PDE5A: variants seen among roughly 807,000 people sequenced by gnomAD.
The protein encoded by PDE5A is cGMP-specific 3',5'-cyclic phosphodiesterase.
PDE5A carries 67 observed loss-of-function variants against 110.2 expected under a neutral mutation model. That is an observed-to-expected ratio of 0.61 (90% CI 0.50 to 0.75). The LOEUF is 0.75. Ranked by LOEUF, PDE5A falls within the 30% of genes least tolerant of loss-of-function variation. PDE5A has a pLI of 0.00. For synonymous variants in PDE5A, 328 were observed against 351.2 expected (o/e 0.93, Z 0.74); for missense variants, 862 against 1,045.1 (o/e 0.82, Z 2.42).
At chr4:119,527,006 C>T (rs1726346277) in intron 11 of PDE5A, 1 of 152,110 alleles carries the variant, frequency 6.6e-6, no homozygotes, top group South Asian at 2.1e-4. Flanking sequence ...GGAGCGGTAA[C>T]TCAAGTTTGG....
At chr4:119,526,300 C>A (rs1239515936) in intron 11 of PDE5A, among the ~76,000 whole-genome samples, 2 of 152,136 alleles carry the variant, frequency 1.3e-5, no homozygotes, top group African/African-American at 2.4e-5. Flanking sequence ...ACTAGCAGAA[C>A]CTGCCTCCCA....
intron 2 of PDE5A, among the ~76,000 whole-genome samples, chr4:119,605,750 A>G (rs919419610): frequency 6.6e-6 from 1 of 151,620 alleles, no homozygotes; most frequent in African/African-American, 2.4e-5. Flanking sequence ...CCTGCTCTCT[A>G]TGCTATTTAT....
At chr4:119,596,044 T>G (rs1729140568) in intron 3 of PDE5A, among the ~76,000 whole-genome samples, 2 of 152,164 alleles carry the variant, frequency 1.3e-5, no homozygotes, top group South Asian at 2.1e-4. Context: ...AAATATAAAC[T>G]AACATATTTT....
At chr4:119,506,832 G>A (rs978847186) in intron 16 of PDE5A, among the ~76,000 whole-genome samples, 26 of 151,932 alleles carry the variant, frequency 1.7e-4, no homozygotes, top group African/African-American at 6.3e-4. Flanking sequence ...TAGATATCTG[G>A]CAGATGTTTT....
In PDE5A at chr4:119,498,547, A is replaced by G. The variant is rs199940864; in HGVS notation, c.*54T>C. On this transcript the variant is annotated 3_prime_UTR_variant, in exon 21 of 21. Transcript: ENST00000354960. ...ACAGACAGTGTGTAAGAAACTAGGCATATTGCAGAACACACCATCTCTGTA... is the reference window on the plus strand; with the variant it reads ...ACAGACAGTGTGTAAGAAACTAGGCGTATTGCAGAACACACCATCTCTGTA... 3.1e-5 allele frequency: 49 copies of G among 1,597,618 alleles called. No homozygotes were observed. The highest frequency in any genetic ancestry group is 4.0e-5 in the Non-Finnish European group (47 of 1,166,352).
chr4:119,552,411 C>A, intron 9 of PDE5A, 139 bp downstream of exon 9: 1 of 431,452 alleles, frequency 2.3e-6, no homozygotes, highest in Non-Finnish European at 4.2e-6. Context: ...TGGTATTTAT[C>A]AATTATTTTA....
chr4:119,574,237 T>C (rs1208111443), intron 3 of PDE5A, among the ~76,000 whole-genome samples: 2 of 131,564 alleles, frequency 1.5e-5, no homozygotes, highest in Non-Finnish European at 3.1e-5. Context: ...GGCTGGAGTG[T>C]AATGATGCGC....
rs749691085 is a variant in PDE5A, at chr4:119,628,766, C to G, written c.-95G>C. ...AAGAACAGGACTCGGCCTCGAGACC[C>G]TCCCCCTTCGTCCTGCTCCAGTCGG... is the stretch of plus-strand genomic sequence containing the variant. On this transcript the variant is annotated 5_prime_UTR_variant, in exon 1 of 21. Coordinates refer to ENST00000354960, the MANE Select transcript of PDE5A (RefSeq NM_001083.4). 8.5e-6 allele frequency: 13 copies of G among 1,521,062 alleles called. No individual in the cohort carries two copies. The highest frequency in any genetic ancestry group is 1.1e-5 in the Non-Finnish European group (12 of 1,126,808). The allele number at this position is 1,521,062 out of a possible 1,614,324, so 94.2% of individuals were successfully genotyped here.
chr4:119,597,428 T>C (rs978491949), intron 2 of PDE5A, among the ~76,000 whole-genome samples: 3 of 152,048 alleles, frequency 2.0e-5, no homozygotes, highest in African/African-American at 7.2e-5. Flanking sequence ...AATGTTATCA[T>C]TTTTACCTTA....
chr4:119,554,785 A>G (rs1186283260), intron 7 of PDE5A, among the ~76,000 whole-genome samples: 1 of 152,230 alleles, frequency 6.6e-6, no homozygotes, highest in South Asian at 2.1e-4. Context: ...ATAGTACAAC[A>G]TAACAATTAT....
At chr4:119,550,236 C>T (rs1727293335) in intron 9 of PDE5A, 1 of 152,154 alleles carries the variant, frequency 6.6e-6, no homozygotes, top group African/African-American at 2.4e-5. Context: ...CTTTTCCTTT[C>T]TTTTTATTTA....
intron 1 of PDE5A, among the ~76,000 whole-genome samples, chr4:119,616,137 A>T (rs1028434659): frequency 6.6e-6 from 1 of 152,218 alleles, no homozygotes. Context: ...TTTACAACAC[A>T]TCCTGAGATA....
intron 16 of PDE5A, among the ~76,000 whole-genome samples, chr4:119,507,325 G>A (rs1465627660): frequency 6.6e-6 from 1 of 151,818 alleles, no homozygotes; most frequent in Non-Finnish European, 1.5e-5. Flanking sequence ...GGACAACATG[G>A]CTTGGAATGA....
At chr4:119,556,446 G>A (rs995864698) in intron 7 of PDE5A, among the ~76,000 whole-genome samples, 14 of 152,186 alleles carry the variant, frequency 9.2e-5, no homozygotes, top group African/African-American at 3.4e-4. Context: ...AAGTCCAAAG[G>A]TGTCTTGGTC....
At chr4:119,591,598 G>T (rs1199023037) in intron 3 of PDE5A, among the ~76,000 whole-genome samples, 1 of 152,214 alleles carries the variant, frequency 6.6e-6, no homozygotes, top group Admixed American at 6.5e-5. Flanking sequence ...TGTTTATACA[G>T]ATATAAATTT....
chr4:119,520,518 C>T (rs1173102506), intron 13 of PDE5A, among the ~76,000 whole-genome samples: 2 of 152,186 alleles, frequency 1.3e-5, no homozygotes, highest in African/African-American at 4.8e-5. Context: ...GCGATACAGA[C>T]CCCTAACTTA....
intron 2 of PDE5A, among the ~76,000 whole-genome samples, chr4:119,599,126 A>C (rs1729251950): frequency 6.6e-6 from 1 of 152,156 alleles, no homozygotes; most frequent in Admixed American, 6.5e-5. Context: ...GACTAAATTC[A>C]AAAGATCCAC....
chr4:119,597,862 A>C (rs62319647), intron 2 of PDE5A, among the ~76,000 whole-genome samples: 15,593 of 152,140 alleles, frequency 0.1, 1,031 homozygotes, highest in Non-Finnish European at 0.15. Flanking sequence ...ATTTCAAAAG[A>C]AAAGGTATAA....
chr4:119,596,349 T>C (rs1258050110), intron 3 of PDE5A, among the ~76,000 whole-genome samples, 174 bp downstream of exon 3: 2 of 152,018 alleles, frequency 1.3e-5, no homozygotes, highest in Middle Eastern at 3.2e-3. Context: ...TTATCAGAAT[T>C]AGGCCCTGTA....
Sources: allele counts gnomAD v4.1 joint callset (sites outside exome capture counted in the v4.1 genomes callset), GRCh38; gene constraint gnomAD v4.1.1; transcripts MANE v1.5; gene names NCBI Gene and HGNC (gene_info 2026-07-23, HGNC 2026-07-21).